TLK2: variants seen among roughly 807,000 people sequenced by gnomAD.
The protein encoded by TLK2 is tousled like kinase 2.
A neutral mutation model predicts 117.3 loss-of-function variants in TLK2; 6 were observed. The ratio of observed to expected loss-of-function variants is 0.05; its 90% CI spans 0.03 to 0.10. The LOEUF is 0.10. Ranked by LOEUF, TLK2 falls within the 10% of genes least tolerant of loss-of-function variation. TLK2 has a pLI of 1.00. For synonymous variants in TLK2, 257 were observed against 316.7 expected, an observed-to-expected ratio of 0.81 and a Z score of 2.00; for missense variants, 299 against 901.2, an observed-to-expected ratio of 0.33 and a Z score of 8.56.
At chr17:62,477,715 A>G (rs1396691698), upstream of TLK2, 1 of 152,202 alleles carries the variant, frequency 6.6e-6, no homozygotes, top group Non-Finnish European at 1.5e-5. Context: ...GCTGCACTGG[A>G]GCCTGTCCTG....
chr17:62,508,704 C>T (rs979316919), intron 2 of TLK2, among the ~76,000 whole-genome samples: 1 of 152,206 alleles, frequency 6.6e-6, no homozygotes, highest in African/African-American at 2.4e-5. Flanking sequence ...TGGTGTTTCA[C>T]GCCTGTAATC....
At chr17:62,557,715 T>C (rs1013570304) in intron 9 of TLK2, among the ~76,000 whole-genome samples, 1 of 152,232 alleles carries the variant, frequency 6.6e-6, no homozygotes, top group African/African-American at 2.4e-5. Flanking sequence ...GAAGCTCTGC[T>C]GTACTGAGGA....
At chr17:62,577,684 G>A (rs2080911912) in intron 13 of TLK2, among the ~76,000 whole-genome samples, 1 of 152,160 alleles carries the variant, frequency 6.6e-6, no homozygotes, top group East Asian at 1.9e-4. Flanking sequence ...TGGTATGTGT[G>A]CTTTTGTTTT....
chr17:62,557,653 G>T (rs1264086116), intron 9 of TLK2, among the ~76,000 whole-genome samples: 7 of 152,058 alleles, frequency 4.6e-5, no homozygotes, highest in African/African-American at 7.2e-5. Flanking sequence ...ATGGTTTGTG[G>T]GTGTAAAAAG....
At chr17:62,496,231 T>C (rs1398466694) in intron 2 of TLK2, among the ~76,000 whole-genome samples, 1 of 152,252 alleles carries the variant, frequency 6.6e-6, no homozygotes, top group Non-Finnish European at 1.5e-5. Context: ...AGGAATTGTT[T>C]TACATTCATA....
chr17:62,601,761 A>G, intron 18 of TLK2, among the ~76,000 whole-genome samples: 1 of 152,216 alleles, frequency 6.6e-6, no homozygotes, highest in African/African-American at 2.4e-5. Context: ...TGACCAAGTG[A>G]ACAAGGGTAT....
intron 2 of TLK2, 34 bp downstream of exon 2, chr17:62,481,240 A>T (rs1304944319): frequency 1.2e-6 from 2 of 1,609,390 alleles, no homozygotes; most frequent in South Asian, 2.2e-5. Context: ...CACTATTCAT[A>T]TTCTAATTTA....
intron 6 of TLK2, among the ~76,000 whole-genome samples, chr17:62,531,981 G>T (rs577100025): frequency 6.6e-6 from 1 of 152,224 alleles, no homozygotes; most frequent in Non-Finnish European, 1.5e-5. Flanking sequence ...CTCTCCCTTG[G>T]GTGGGCTTTG....
rs1185425017 is a variant in TLK2 at position 62,544,058 on chromosome 17, A to G, written c.531+7721A>G. 2.0e-5 allele frequency among the ~76,000 whole-genome samples: 3 copies of G among 152,096 alleles called. No individual in the cohort carries two copies. The East Asian group carries it at 5.8e-4, about 29-fold the overall frequency. ...CATTTTTTTTGCATGTGTATATCCT[A>G]TTGTCCCAGCACCATTTGTTGAAAA... On this transcript the variant is annotated intron_variant, in intron 7 of 21. Coordinates refer to ENST00000346027, the MANE Select transcript of TLK2 (RefSeq NM_006852.6).
intron 2 of TLK2, among the ~76,000 whole-genome samples, chr17:62,485,311 T>C (rs2072208322): frequency 2.6e-5 from 4 of 152,200 alleles, no homozygotes; most frequent in African/African-American, 9.7e-5. Flanking sequence ...TACAAGTAGC[T>C]ACAGCCTTTG....
At chr17:62,583,739 G>A (rs1369028731) in intron 15 of TLK2, among the ~76,000 whole-genome samples, 3 of 151,790 alleles carry the variant, frequency 2.0e-5, no homozygotes, top group Non-Finnish European at 4.4e-5. Flanking sequence ...CCCCACACCC[G>A]GATAATTTTT....
At chr17:62,472,348 T>A (rs1444115082) in intron 1 of TLK2, among the ~76,000 whole-genome samples, 1 of 152,146 alleles carries the variant, frequency 6.6e-6, no homozygotes, top group Non-Finnish European at 1.5e-5. Flanking sequence ...GGGGAGCTCC[T>A]GGCAGTGCCT....
At chr17:62,535,766 C>T (rs1198048281) in intron 6 of TLK2, among the ~76,000 whole-genome samples, 1 of 150,410 alleles carries the variant, frequency 6.6e-6, no homozygotes, top group East Asian at 2.0e-4. Context: ...AAGAATGAAA[C>T]TCCATCTCAA....
intron 7 of TLK2, among the ~76,000 whole-genome samples, chr17:62,541,242 A>G (rs143739269): frequency 2.4e-3 from 360 of 152,264 alleles, no homozygotes; most frequent in African/African-American, 7.9e-3. Context: ...CTGACGTACT[A>G]TGATGGACTT....
At chr17:62,519,828 G>C (rs1311481294) in intron 2 of TLK2, among the ~76,000 whole-genome samples, 1 of 152,114 alleles carries the variant, frequency 6.6e-6, no homozygotes, top group African/African-American at 2.4e-5. Flanking sequence ...GCTCCTTGTG[G>C]CTGTTTTATG....
chr17:62,481,103 C>A lies in TLK2; in HGVS notation c.-5-18C>A. ...ATTTTAGTGTTTATGGTTTCACAGCCTACTTTTTCTTTTTCAGCAGAAATG... is the reference window on the plus strand; with the variant it reads ...ATTTTAGTGTTTATGGTTTCACAGCATACTTTTTCTTTTTCAGCAGAAATG... On this transcript the variant is annotated intron_variant, in intron 1 of 21. Coordinates refer to ENST00000346027, the MANE Select transcript of TLK2 (RefSeq NM_006852.6). 6.2e-7 allele frequency: 1 copy of A among 1,612,840 alleles called. No individual in the cohort carries two copies. Among genetic ancestry groups the A allele is most frequent in the South Asian group, 1.1e-5 (1 of 90,948 alleles).
At position 62,534,098 on chromosome 17, in the gene TLK2, GT is replaced by G. The variant is rs2076949204; in HGVS notation, c.364-2069del. On this transcript the variant is annotated intron_variant, in intron 6 of 21. Coordinates refer to ENST00000346027, the MANE Select transcript of TLK2 (RefSeq NM_006852.6). ...TTTAGTTAATGTAACATTGTAGTAT[GT>G]TTCACTATCCGGTCAAGTTTCCCTG... Among the ~76,000 whole-genome samples, 3 of 152,182 alleles carry G rather than the reference GT, an allele frequency of 2.0e-5. No homozygotes were observed. The South Asian group carries it at 6.2e-4, about 32-fold the overall frequency.
intron 19 of TLK2, among the ~76,000 whole-genome samples, chr17:62,602,557 G>A (rs1450824093): frequency 2.0e-5 from 3 of 152,120 alleles, no homozygotes; most frequent in Non-Finnish European, 4.4e-5. Context: ...TGGGTTAATG[G>A]GATAAGGGAT....
At chr17:62,577,146 A>G (rs1163935235) in intron 13 of TLK2, among the ~76,000 whole-genome samples, 3 of 151,824 alleles carry the variant, frequency 2.0e-5, no homozygotes, top group African/African-American at 7.3e-5. Flanking sequence ...TATTTTTAGT[A>G]GAGACGGGGG....
Sources: gnomAD v4.1 joint callset for allele counts (sites outside exome capture counted in the v4.1 genomes callset) on GRCh38, gnomAD v4.1.1 for gene constraint, MANE v1.5 for transcripts, NCBI Gene and HGNC (gene_info 2026-07-23, HGNC 2026-07-21) for gene names.